The following MAP2K5 variants were observed in gnomAD, a reference collection of about 807,000 sequenced individuals.
The protein encoded by MAP2K5 is mitogen-activated protein kinase kinase 5.
A neutral mutation model predicts 83.1 loss-of-function variants in MAP2K5; 49 were observed. The ratio of observed to expected loss-of-function variants is 0.59; its 90% confidence interval spans 0.47 to 0.75. The LOEUF is 0.75. Ranked by LOEUF, MAP2K5 falls within the 30% of genes least tolerant of loss-of-function variation. MAP2K5 has a pLI of 0.00. For synonymous variants in MAP2K5, 202 were observed against 191.8 expected, an observed-to-expected ratio of 1.05 and a Z score of -0.44; for missense variants, 457 against 557.5, an observed-to-expected ratio of 0.82 and a Z score of 1.82.
intron 12 of MAP2K5, among the ~76,000 whole-genome samples, chr15:67,663,238 C>T (rs780272935): frequency 5.3e-5 from 8 of 152,102 alleles, no homozygotes; most frequent in Admixed American, 5.2e-4. Context: ...TACTCAACAG[C>T]CCTTATTCAA....
Position 67,728,051 on chromosome 15 carries a change from C to A in MAP2K5, c.1074+106C>A, listed in dbSNP as rs1006234967. The A allele has an allele frequency of 2.3e-5, 22 of 968,576 alleles. 2 individuals carry two copies. The highest frequency in any genetic ancestry group is 4.2e-4 in the Middle Eastern group (2 of 4,796). The allele number at this position is 968,576 out of a possible 1,614,324, so 60.0% of individuals were successfully genotyped here. A position where few individuals can be genotyped will look rare whatever the true frequency, so the allele number is the denominator to read the frequency against. ...TGAGCCACATACAAATAAATCTGTC[C>A]TGTTAAATTGAAAAGTGGTATCTTA... On this transcript the variant is annotated intron_variant, in intron 17 of 21. Coordinates refer to ENST00000178640, the MANE Select transcript of MAP2K5 (RefSeq NM_145160.3).
At chr15:67,615,813 G>A (rs968469701) in intron 8 of MAP2K5, among the ~76,000 whole-genome samples, 8 of 151,944 alleles carry the variant, frequency 5.3e-5, no homozygotes, top group African/African-American at 1.5e-4. Context: ...AATTAATCTC[G>A]CAAGGTACTA....
chr15:67,602,931 A>G (rs1241902267), intron 8 of MAP2K5, among the ~76,000 whole-genome samples: 1 of 152,152 alleles, frequency 6.6e-6, no homozygotes, highest in African/African-American at 2.4e-5. Flanking sequence ...GGATTACAGG[A>G]GTGAGCCACC....
intron 19 of MAP2K5, among the ~76,000 whole-genome samples, chr15:67,759,688 A>T (rs2089913148): frequency 1.3e-5 from 2 of 152,208 alleles, no homozygotes; most frequent in East Asian, 3.8e-4. Context: ...AGTAAAAGGA[A>T]CACCATCCCA....
intron 17 of MAP2K5, among the ~76,000 whole-genome samples, chr15:67,745,969 A>G (rs986283624): frequency 4.6e-5 from 7 of 152,216 alleles, no homozygotes; most frequent in African/African-American, 1.7e-4. Context: ...TGTATAATAA[A>G]ACCTGATAAC....
chr15:67,722,135 G>C lies in MAP2K5; in HGVS notation c.1045-5781G>C, dbSNP rs1442981005. Among the ~76,000 whole-genome samples, 1 of 152,138 alleles carries C rather than the reference G, an allele frequency of 6.6e-6. No homozygotes were observed. Among genetic ancestry groups the C allele is most frequent in the Non-Finnish European group, 1.5e-5 (1 of 68,022 alleles). On this transcript the variant is annotated intron_variant, in intron 16 of 21. Coordinates refer to ENST00000178640, the MANE Select transcript of MAP2K5 (RefSeq NM_145160.3). The surrounding 1 kb of genome is among the most constrained non-coding windows in gnomAD (Gnocchi z 4.2). ...AATAATCCTCTTCCTCATAGTTCTA[G>C]ACATGAACAAATATGTCACTTCATC... is the stretch of plus-strand genomic sequence containing the variant.
chr15:67,642,483 A>T (rs530259745), intron 9 of MAP2K5: 4 of 1,582,834 alleles, frequency 2.5e-6, no homozygotes, highest in African/African-American at 2.7e-5. Context: ...ATGAATTTTG[A>T]TGGAGGACTT....
intron 7 of MAP2K5, among the ~76,000 whole-genome samples, chr15:67,597,085 C>G (rs936865478): frequency 2.0e-5 from 3 of 151,150 alleles, no homozygotes; most frequent in African/African-American, 7.3e-5. Flanking sequence ...AGGAGAATGG[C>G]GTGAACCCGG....
chr15:67,732,105 G>T (rs2089235843), intron 17 of MAP2K5, among the ~76,000 whole-genome samples: 1 of 152,124 alleles, frequency 6.6e-6, no homozygotes, highest in African/African-American at 2.4e-5. Flanking sequence ...TAAATATCTT[G>T]CGAACAGTTT....
At position 67,543,130 on chromosome 15, in the gene MAP2K5, C is replaced by T; in HGVS notation, c.-206C>T. On this transcript the variant is annotated 5_prime_UTR_variant, in exon 1 of 22. Coordinates refer to ENST00000178640, the MANE Select transcript of MAP2K5 (RefSeq NM_145160.3). The surrounding 1 kb of genome is among the most constrained non-coding windows in gnomAD (Gnocchi z 4.3). ...GGTGCACCCTCCCCGGGAGACACCTCAGACCCCCGACAGCCTGGGCAGGCT... is the reference window on the plus strand; with the variant it reads ...GGTGCACCCTCCCCGGGAGACACCTTAGACCCCCGACAGCCTGGGCAGGCT... 4 of 593,796 alleles carry T rather than the reference C, an allele frequency of 6.7e-6. No individual in the cohort carries two copies. The highest frequency in any genetic ancestry group is 1.2e-5 in the Non-Finnish European group (4 of 332,784). 36.8% of individuals were successfully genotyped at this position (593,796 alleles called of 1,614,324 possible).
rs983929037 is a variant in MAP2K5 at position 67,652,115 on chromosome 15, G to A, written c.736+5646G>A. Among the ~76,000 whole-genome samples, 7 of 152,104 alleles carry A rather than the reference G, an allele frequency of 4.6e-5. No individual in the cohort carries two copies. The highest frequency in any genetic ancestry group is 1.0e-4 in the Non-Finnish European group (7 of 68,010). ...TTGATTTGCATTTCCCTGGTGATTAGTGATGTCAAACATTTTTTCAAATGC... is the reference window on the plus strand; with the variant it reads ...TTGATTTGCATTTCCCTGGTGATTAATGATGTCAAACATTTTTTCAAATGC... On this transcript the variant is annotated intron_variant, in intron 11 of 21. Coordinates refer to ENST00000178640, the MANE Select transcript of MAP2K5 (RefSeq NM_145160.3). This position sits in a 1 kb window ranked among gnomAD's most constrained non-coding sequence, Gnocchi z 4.2.
chr15:67,731,980 T>C (rs1165477646), intron 17 of MAP2K5, among the ~76,000 whole-genome samples: 1 of 152,204 alleles, frequency 6.6e-6, no homozygotes, highest in Admixed American at 6.5e-5. Flanking sequence ...ACCATGTATT[T>C]AGCAGAGTAA....
intron 3 of MAP2K5, among the ~76,000 whole-genome samples, chr15:67,578,831 A>G (rs1324535733): frequency 6.6e-6 from 1 of 152,038 alleles, no homozygotes; most frequent in Non-Finnish European, 1.5e-5. Context: ...TTATAGTAGG[A>G]AAAAAAAGCA....
chr15:67,648,268 A>G (rs1490702363), intron 11 of MAP2K5, among the ~76,000 whole-genome samples: 3 of 152,110 alleles, frequency 2.0e-5, no homozygotes, highest in African/African-American at 7.2e-5. Context: ...CCACTGATTT[A>G]TCTTCTGTCT....
chr15:67,799,315 A>G (rs1217426559), intron 21 of MAP2K5, among the ~76,000 whole-genome samples: 2 of 152,258 alleles, frequency 1.3e-5, no homozygotes, highest in African/African-American at 4.8e-5. Context: ...CTTTGGTGCA[A>G]GCACCTCCTC....
At position 67,587,315 on chromosome 15, in the gene MAP2K5, C is replaced by T. The variant is rs139867239; in HGVS notation, c.431+402C>T. Among the ~76,000 whole-genome samples the T allele has an allele frequency of 3.4e-3, 521 of 152,256 alleles. 3 individuals carry two copies. Among genetic ancestry groups the T allele is most frequent in the Non-Finnish European group, 5.2e-3 (351 of 68,026 alleles). Reference sequence around the variant, plus strand: ...ATAGGAGCTAAGGAGGTAGACAGGACTTATCATGCGGGGCCTCGTAGGCCC... The same window carrying T: ...ATAGGAGCTAAGGAGGTAGACAGGATTTATCATGCGGGGCCTCGTAGGCCC... On this transcript the variant is annotated intron_variant, in intron 6 of 21. Transcript: ENST00000178640. The surrounding 1 kb of genome is among the most constrained non-coding windows in gnomAD (Gnocchi z 4.8).
chr15:67,748,341 A>C lies in MAP2K5; in HGVS notation c.1101+84A>C, dbSNP rs1241192942. ...TTGCATGCTTGAATGCCTTGTTTTA[A>C]ACTTAGCAAATTGCATTTTGAAGAA... On this transcript the variant is annotated intron_variant, in intron 18 of 21. Transcript: ENST00000178640. The surrounding 1 kb of genome is among the most constrained non-coding windows in gnomAD (Gnocchi z 4.0). 1 of 1,218,998 alleles carries C rather than the reference A, an allele frequency of 8.2e-7. No homozygotes were observed. Among genetic ancestry groups the C allele is most frequent in the Non-Finnish European group, 1.2e-6 (1 of 833,930 alleles). 75.5% of individuals were successfully genotyped at this position (1,218,998 alleles called of 1,614,324 possible).
chr15:67,616,818 A>G (rs2086066618), intron 8 of MAP2K5, among the ~76,000 whole-genome samples: 1 of 152,162 alleles, frequency 6.6e-6, no homozygotes, highest in Admixed American at 6.5e-5. Flanking sequence ...TCACTATTTT[A>G]GTGACTGGAT....
At chr15:67,616,782 C>T (rs1313566334) in intron 8 of MAP2K5, among the ~76,000 whole-genome samples, 4 of 152,226 alleles carry the variant, frequency 2.6e-5, no homozygotes, top group Non-Finnish European at 5.9e-5. Flanking sequence ...CTGGTTATTT[C>T]TTGAGCCAAA....
Sources: gnomAD v4.1 joint callset for allele counts (sites outside exome capture counted in the v4.1 genomes callset) on GRCh38, gnomAD v4.1.1 for gene constraint, Gnocchi (gnomAD v3.1) non-coding constraint, MANE v1.5 for transcripts, NCBI Gene and HGNC (gene_info 2026-07-23, HGNC 2026-07-21) for gene names.